The following HLA-F variants were observed in gnomAD, a reference collection of about 807,000 sequenced individuals.
HLA-F encodes major histocompatibility complex, class I, F, also known as HLA class I histocompatibility antigen, alpha chain F.
In HLA-F, 46 loss-of-function variants were observed where a neutral mutation model predicts 49.5. The ratio of observed to expected loss-of-function variants is 0.93; its 90% CI spans 0.73 to 1.19. The LOEUF (loss-of-function observed/expected upper bound fraction) is 1.19, where lower values mean the gene tolerates loss of function less well. HLA-F is among the 50% of genes most tolerant of loss of function. The probability of loss-of-function intolerance (pLI) is 0.00; values close to 1 mark genes in which losing one functional copy is unlikely to be tolerated. For missense variants in HLA-F, 496 were observed against 579.6 expected (o/e 0.86, Z 1.48); for synonymous variants, 203 against 233.5 (o/e 0.87, Z 1.19).
At chr6:29,726,520 A>G in intron 6 of HLA-F, 1 of 1,535,906 alleles carries the variant, frequency 6.5e-7, no homozygotes, top group Non-Finnish European at 8.7e-7. Flanking sequence ...ATATCTTTTT[A>G]TAGATACAGG....
In HLA-F at chr6:29,724,158, GC is replaced by G. The variant is rs909350408; in HGVS notation, c.335-14del. ...CGGGGCTAGCTGGGCGGGGCTGACT[GC>G]GGGGACCGGCTAGGGTCTCACACCC... On this transcript the variant is annotated splice_polypyrimidine_tract_variant and intron_variant, in intron 2 of 6. Transcript: ENST00000259951. The G allele has an allele frequency of 7.4e-6, 12 of 1,612,716 alleles. No individual in the cohort carries two copies. Among genetic ancestry groups the G allele is most frequent in the Non-Finnish European group, 9.3e-6 (11 of 1,179,862 alleles).
intron 6 of HLA-F, chr6:29,726,339 CTATT>C: frequency 1.3e-6 from 2 of 1,538,940 alleles, no homozygotes; most frequent in South Asian, 1.1e-5. Context: ...ATGAAATGGG[CTATT>C]TAGAGTGTTA....
At chr6:29,729,107 G>A, downstream of HLA-F, 1 of 152,088 alleles carries the variant, frequency 6.6e-6, no homozygotes, top group Admixed American at 6.5e-5. Context: ...ATAAACATAA[G>A]CCATTGTGAG....
Position 29,727,209 on chromosome 6 carries a change from C to A in HLA-F, c.*34C>A. ...AAAGTAAGTTGCAAGACCCATGATA[C>A]TAGACCACTAAATACTTCATCACAC... On this transcript the variant is annotated 3_prime_UTR_variant, in exon 7 of 7. Transcript: ENST00000259951. 1.5e-6 allele frequency: 2 copies of A among 1,371,344 alleles called. No homozygotes were observed. The highest frequency in any genetic ancestry group is 2.0e-6 in the Non-Finnish European group (2 of 999,164). The allele number at this position is 1,371,344 out of a possible 1,614,324, so 84.9% of individuals were successfully genotyped here. A position where few individuals can be genotyped will look rare whatever the true frequency, so the allele number is the denominator to read the frequency against.
chr6:29,723,865 A>G lies in HLA-F; in HGVS notation c.272A>G (p.Asn91Ser). 3 of 1,598,350 alleles carry G rather than the reference A, an allele frequency of 1.9e-6. No homozygotes were observed. The highest frequency in any genetic ancestry group is 2.6e-6 in the Non-Finnish European group (3 of 1,172,778). The stretch of plus-strand genomic sequence containing the variant: ...TGGACCACAGGGTACGCCAAGGCCA[A>G]CGCACAGACTGACCGAGTGGCCCTG... Reference protein sequence around the residue: ...WEWTTGYAKANAQTDRVALRN... With the variant: ...WEWTTGYAKASAQTDRVALRN... Residue 91 changes from asparagine to serine, a missense_variant, in exon 2 of 7, where the codon AAC becomes AGC. Physicochemically the swap from Asn to Ser is conservative, Grantham distance 46. Coordinates refer to ENST00000259951, the MANE Select transcript of HLA-F (RefSeq NM_001098479.2).
intron 3 of HLA-F, 22 bp from the exon 4 acceptor site, chr6:29,725,009 T>C: frequency 6.2e-7 from 1 of 1,608,844 alleles, no homozygotes. Context: ...GCAAAGTGCC[T>C]GAATTTTCTG....
intron 2 of HLA-F, 57 bp downstream of exon 2, chr6:29,723,984 G>C: frequency 6.4e-7 from 1 of 1,559,168 alleles, no homozygotes; most frequent in Non-Finnish European, 8.7e-7. Flanking sequence ...GCCACGGACC[G>C]CCCGGGTCCC....
At chr6:29,734,564 A>C (rs1182581290) in intron 3 of HLA-F, among the ~76,000 whole-genome samples, 1 of 152,144 alleles carries the variant, frequency 6.6e-6, no homozygotes, top group Non-Finnish European at 1.5e-5. Context: ...CCTGAGGGGG[A>C]AAGACAGATG....
rs17875384 is a variant in HLA-F, at chr6:29,727,000, G to T, written c.1154G>T (p.Arg385Leu). ...CLRSHSVLGR[R>L]KVGDMWILFF... Reference sequence around the variant, plus strand: ...CGGAGTCACAGTGTCTTGGGCCGCCGGAAGGTGGGTGACATGTGGATCTTG... The same window carrying T: ...CGGAGTCACAGTGTCTTGGGCCGCCTGAAGGTGGGTGACATGTGGATCTTG... The change falls in exon 7 of 7, where the codon CGG (arginine) becomes CTG (leucine). Residue 385 changes from arginine (R) to leucine (L), a missense_variant. Arg to Leu is a moderately radical substitution (Grantham distance 102). Coordinates refer to ENST00000259951, the MANE Select transcript of HLA-F (RefSeq NM_001098479.2). 6.2e-7 allele frequency: 1 copy of T among 1,613,406 alleles called. No individual in the cohort carries two copies. The highest frequency in any genetic ancestry group is 1.1e-5 in the South Asian group (1 of 91,082).
chr6:29,723,765 G>T lies in HLA-F; in HGVS notation c.172G>T (p.Asp58Tyr), dbSNP rs764335226. 4.3e-6 allele frequency: 7 copies of T among 1,611,230 alleles called. No homozygotes were observed. In the South Asian group the frequency reaches 5.5e-5, roughly 13 times the overall value. The change falls in exon 2 of 7, where the codon GAC (aspartate) becomes TAC (tyrosine). Residue 58 changes from aspartate (D) to tyrosine (Y), a missense_variant. Physicochemically the swap from Asp to Tyr is radical, Grantham distance 160. Transcript: ENST00000259951. Reference sequence around the variant, plus strand: ...AGACGACACGCAATTCCTGCGGTTCGACAGCGACGCCGCGATTCCGAGGAT... The same window carrying T: ...AGACGACACGCAATTCCTGCGGTTCTACAGCGACGCCGCGATTCCGAGGAT... ...YVDDTQFLRF[D>Y]SDAAIPRMEP...
At chr6:29,726,569 G>A in intron 6 of HLA-F, 2 of 1,518,000 alleles carry the variant, frequency 1.3e-6, no homozygotes, top group Non-Finnish European at 1.8e-6. Context: ...ATGTGTGTGT[G>A]TGTGTGTGTG....
intron 3 of HLA-F, 143 bp downstream of exon 3, chr6:29,724,591 G>C: frequency 1.2e-6 from 1 of 849,350 alleles, no homozygotes; most frequent in South Asian, 1.8e-5. Flanking sequence ...TGGCTTTCGA[G>C]ATCCGGTACC....
rs909897507 is a variant in HLA-F at position 29,723,473 on chromosome 6, C to G, written c.10C>G (p.Arg4Gly). The change falls in exon 1 of 7, where the codon CGA becomes GGA. Residue 4 changes from arginine (R) to glycine (G), a missense_variant. By Grantham distance (125) the Arg-to-Gly change is moderately radical. Transcript: ENST00000259951. ...CGCGGAGGTTGGGGTCATGGCGCCC[C>G]GAAGCCTCCTCCTGCTGCTCTCAGG... MAP[R>G]SLLLLLSGAL... 4.3e-6 allele frequency: 7 copies of G among 1,613,482 alleles called. No individual in the cohort carries two copies. Among genetic ancestry groups the G allele is most frequent in the African/African-American group, 1.3e-5 (1 of 74,918 alleles).
intron 3 of HLA-F, 149 bp from the exon 4 acceptor site, chr6:29,724,882 T>C: frequency 1.2e-5 from 11 of 925,992 alleles, no homozygotes. Flanking sequence ...TAGGAGATTT[T>C]CCCAGGTGTC....
In HLA-F at chr6:29,725,580, A is replaced by G. The variant is rs1775955436; in HGVS notation, c.1003+17A>G. ...AGAGCTCAGGTAGGAAGGGGTGAGG[A>G]GTGGAGTCTGAGTTTTCTTGTCCCA... On this transcript the variant is annotated intron_variant, in intron 5 of 6. Transcript: ENST00000259951. 1.2e-6 allele frequency: 2 copies of G among 1,604,682 alleles called. No individual in the cohort carries two copies. Among genetic ancestry groups the G allele is most frequent in the Non-Finnish European group, 1.7e-6 (2 of 1,172,020 alleles).
chr6:29,736,208 C>T (rs1006023027), intron 3 of HLA-F: 13 of 356,368 alleles, frequency 3.6e-5, no homozygotes, highest in African/African-American at 2.8e-4. Flanking sequence ...CATTCATGCA[C>T]TACTGGGGCA....
At chr6:29,737,056 T>C (rs2517943) in intron 3 of HLA-F, among the ~76,000 whole-genome samples, 22,171 of 151,804 alleles carry the variant, frequency 0.15, 1,790 homozygotes, top group Admixed American at 0.18. Context: ...ATGCAGCTAG[T>C]ATATGAAAAG....
At chr6:29,734,690 CATTGTACAATAGGTGTACA>C (rs1776908773) in intron 3 of HLA-F, among the ~76,000 whole-genome samples, 1 of 152,142 alleles carries the variant, frequency 6.6e-6, no homozygotes, top group Non-Finnish European at 1.5e-5. Flanking sequence ...CCACTGTACC[CATTGTACAATAGGTGTACA>C]ATGCAGTGAC....
chr6:29,729,636 A>T (rs1307924455), downstream of HLA-F, among the ~76,000 whole-genome samples: 5 of 152,242 alleles, frequency 3.3e-5, no homozygotes, highest in African/African-American at 1.2e-4. Context: ...TAAAAGAAAA[A>T]CAATAAATTA....
Sources: allele counts gnomAD v4.1 joint callset (sites outside exome capture counted in the v4.1 genomes callset), GRCh38; gene constraint gnomAD v4.1.1; transcripts MANE v1.5; gene names NCBI Gene and HGNC (gene_info 2026-07-23, HGNC 2026-07-21).